KANSL1L: variants seen among roughly 807,000 people sequenced by gnomAD.
The protein encoded by KANSL1L is KAT8 regulatory NSL complex subunit 1-like protein.
KANSL1L carries 25 observed loss-of-function variants against 108.6 expected under a neutral mutation model. The ratio of observed to expected loss-of-function variants is 0.23; its 90% confidence interval spans 0.17 to 0.32. The LOEUF (loss-of-function observed/expected upper bound fraction) is 0.32. KANSL1L is among the 10% of genes least tolerant of loss of function. The pLI is 1.00. For synonymous variants in KANSL1L, 405 were observed against 395.1 expected, an observed-to-expected ratio of 1.03 and a Z score of -0.30; for missense variants, 1,137 against 1,125.7, an observed-to-expected ratio of 1.01 and a Z score of -0.14.
chr2:210,028,642 A>C, intron 11 of KANSL1L: 1 of 441,576 alleles, frequency 2.3e-6, no homozygotes, highest in Non-Finnish European at 4.0e-6. Flanking sequence ...GAATTCCTAA[A>C]TCTTAATAAA....
At chr2:210,158,727 G>C (rs2095346711) in intron 1 of KANSL1L, among the ~76,000 whole-genome samples, 1 of 149,430 alleles carries the variant, frequency 6.7e-6, no homozygotes, top group Non-Finnish European at 1.5e-5. Flanking sequence ...CCTAGCCTAA[G>C]TAAGTCTCTC....
chr2:210,046,103 G>A (rs2094220009), intron 6 of KANSL1L, among the ~76,000 whole-genome samples: 1 of 151,978 alleles, frequency 6.6e-6, no homozygotes, highest in South Asian at 2.1e-4. Context: ...AGCTTTCTGG[G>A]GTTCCTTTTA....
chr2:210,115,677 A>G (rs189953340), intron 3 of KANSL1L, among the ~76,000 whole-genome samples: 66 of 152,218 alleles, frequency 4.3e-4, no homozygotes, highest in Non-Finnish European at 7.9e-4. Context: ...TGCATGTTTC[A>G]TATTAACTCC....
intron 2 of KANSL1L, among the ~76,000 whole-genome samples, chr2:210,137,195 T>C (rs1289631847): frequency 6.6e-6 from 1 of 152,216 alleles, no homozygotes; most frequent in Non-Finnish European, 1.5e-5. Context: ...AATTTCTTTT[T>C]AACACAAGCA....
intron 3 of KANSL1L, among the ~76,000 whole-genome samples, chr2:210,122,173 G>GA (rs2095027604): frequency 6.6e-6 from 1 of 152,024 alleles, no homozygotes; most frequent in African/African-American, 2.4e-5. Context: ...CACATAAATA[G>GA]AAAAAACAAC....
In KANSL1L at chr2:210,153,998, A is replaced by G; in HGVS notation, c.585T>C (p.Cys195=). Reference sequence around the variant, plus strand: ...GGCCAGGTACAATTTTCTTTTGAGTACAGTGCAATAAACCCTTTTTAATCT... The same window carrying G: ...GGCCAGGTACAATTTTCTTTTGAGTGCAGTGCAATAAACCCTTTTTAATCT... ...DAEIKKGLLH[C]TQKKIVPGHS... Residue 195 remains cysteine, a synonymous_variant, in exon 2 of 15, where the codon TGT becomes TGC. Coordinates refer to ENST00000281772, the MANE Select transcript of KANSL1L (RefSeq NM_152519.4). The G allele has an allele frequency of 6.2e-7, 1 of 1,613,896 alleles. No individual in the cohort carries two copies. The highest frequency in any genetic ancestry group is 8.5e-7 in the Non-Finnish European group (1 of 1,180,028).
intron 1 of KANSL1L, among the ~76,000 whole-genome samples, chr2:210,159,888 T>C (rs182402667): frequency 6.6e-6 from 1 of 152,098 alleles, no homozygotes; most frequent in East Asian, 1.9e-4. Context: ...ACAAAAAAAA[T>C]AGCTGGGTGT....
intron 5 of KANSL1L, among the ~76,000 whole-genome samples, chr2:210,091,601 T>C (rs2094693463): frequency 6.6e-6 from 1 of 152,144 alleles, no homozygotes; most frequent in African/African-American, 2.4e-5. Flanking sequence ...GAAAGCTAAA[T>C]CAGTACTTTT....
At chr2:210,058,913 C>T (rs1040287103) in intron 6 of KANSL1L, among the ~76,000 whole-genome samples, 1 of 151,374 alleles carries the variant, frequency 6.6e-6, no homozygotes, top group African/African-American at 2.4e-5. Flanking sequence ...GTGGTATCTC[C>T]CCCGGACACC....
intron 3 of KANSL1L, among the ~76,000 whole-genome samples, chr2:210,118,035 G>A (rs958033683): frequency 5.3e-5 from 8 of 151,234 alleles, no homozygotes; most frequent in African/African-American, 7.3e-5. Context: ...GTGTGATGGC[G>A]CATGCCTGTA....
At chr2:210,086,707 T>C (rs2094640896) in intron 5 of KANSL1L, among the ~76,000 whole-genome samples, 2 of 152,014 alleles carry the variant, frequency 1.3e-5, no homozygotes, top group South Asian at 2.1e-4. Flanking sequence ...ACTTAAATAC[T>C]TAAGAGAATT....
intron 2 of KANSL1L, among the ~76,000 whole-genome samples, chr2:210,136,948 G>C (rs2095179232): frequency 6.6e-6 from 1 of 152,076 alleles, no homozygotes; most frequent in East Asian, 1.9e-4. Context: ...GATAGTGCCA[G>C]ACCACACAAT....
intron 2 of KANSL1L, among the ~76,000 whole-genome samples, chr2:210,146,680 A>T (rs1358362121): frequency 6.6e-6 from 1 of 152,216 alleles, no homozygotes; most frequent in East Asian, 1.9e-4. Context: ...TCTCCACCTG[A>T]TTCTGTGAGA....
At chr2:210,114,183 G>A (rs745450200) in intron 3 of KANSL1L, among the ~76,000 whole-genome samples, 1 of 152,124 alleles carries the variant, frequency 6.6e-6, no homozygotes, top group Non-Finnish European at 1.5e-5. Flanking sequence ...AGCGGCAAGA[G>A]AGAAGCACAT....
chr2:210,130,169 C>T (rs967166810), intron 2 of KANSL1L, among the ~76,000 whole-genome samples: 7 of 152,178 alleles, frequency 4.6e-5, no homozygotes, highest in Admixed American at 4.6e-4. Flanking sequence ...GTGACAATGA[C>T]GTGTTAATGT....
At chr2:210,115,103 A>G (rs929389146) in intron 3 of KANSL1L, among the ~76,000 whole-genome samples, 3 of 152,196 alleles carry the variant, frequency 2.0e-5, no homozygotes, top group African/African-American at 7.2e-5. Context: ...TTTAGTAATT[A>G]CGTTAAGTGT....
At position 210,035,759 on chromosome 2, in the gene KANSL1L, G is replaced by A. The variant is rs142089865; in HGVS notation, c.2030-4213C>T. 3.3e-5 allele frequency among the ~76,000 whole-genome samples: 5 copies of A among 152,268 alleles called. No homozygotes were observed. The East Asian group carries it at 5.8e-4, about 18-fold the overall frequency. On this transcript the variant is annotated intron_variant, in intron 8 of 14. Transcript: ENST00000281772. ...CTCCCAAAGTGGTAGGATTACAGGC[G>A]TGAGCCACTGTGCCTGGCCTTATTT...
At chr2:210,039,542 T>C (rs919842282) in intron 8 of KANSL1L, among the ~76,000 whole-genome samples, 1 of 151,886 alleles carries the variant, frequency 6.6e-6, no homozygotes, top group Admixed American at 6.6e-5. Flanking sequence ...GATTATTTCA[T>C]GTAGAAATAA....
intron 1 of KANSL1L, among the ~76,000 whole-genome samples, chr2:210,164,901 C>T (rs1468271221): frequency 6.7e-6 from 1 of 148,608 alleles, no homozygotes; most frequent in African/African-American, 2.5e-5. Flanking sequence ...AGTCTCGCCC[C>T]GCCACCTAGG....
Sources: gnomAD v4.1 joint callset for allele counts (sites outside exome capture counted in the v4.1 genomes callset) on GRCh38, gnomAD v4.1.1 for gene constraint, MANE v1.5 for transcripts, NCBI Gene and HGNC (gene_info 2026-07-23, HGNC 2026-07-21) for gene names.